TCERG1L: variants seen among roughly 807,000 people sequenced by gnomAD.
The protein encoded by TCERG1L is transcription elongation regulator 1-like protein.
In TCERG1L, 37 loss-of-function variants were observed where a neutral mutation model predicts 56.3. That is an observed-to-expected ratio of 0.66 (90% confidence interval 0.51 to 0.87). The LOEUF is 0.87. Ranked by LOEUF, TCERG1L falls within the 40% of genes least tolerant of loss-of-function variation. The pLI is 0.00. For synonymous variants in TCERG1L, 324 were observed against 326.3 expected (o/e 0.99, Z 0.08); for missense variants, 799 against 774.2 (o/e 1.03, Z -0.38).
intron 7 of TCERG1L, among the ~76,000 whole-genome samples, chr10:131,137,951 T>C (rs1347779586): frequency 1.3e-5 from 2 of 152,116 alleles, no homozygotes; most frequent in Non-Finnish European, 1.5e-5. Context: ...ATCAGACACT[T>C]ACAACAGCTA....
At chr10:131,294,089 G>C (rs1320329143) in intron 3 of TCERG1L, among the ~76,000 whole-genome samples, 2 of 151,944 alleles carry the variant, frequency 1.3e-5, no homozygotes, top group African/African-American at 4.8e-5. Flanking sequence ...TTCAACAATA[G>C]TAAATCATAG....
At chr10:131,116,064 C>T (rs975750848) in intron 9 of TCERG1L, among the ~76,000 whole-genome samples, 9 of 152,210 alleles carry the variant, frequency 5.9e-5, no homozygotes, top group Middle Eastern at 3.4e-3. Flanking sequence ...CCACCACTGC[C>T]GCCTGCAGTC....
chr10:131,217,594 T>C (rs2918154), intron 4 of TCERG1L, among the ~76,000 whole-genome samples: 44,585 of 151,546 alleles, frequency 0.29, 7,195 homozygotes, highest in East Asian at 0.44. Flanking sequence ...CCAACAGCAG[T>C]CACTGTGTGC....
At chr10:131,169,506 C>T (rs1027863350) in intron 4 of TCERG1L, among the ~76,000 whole-genome samples, 4 of 152,176 alleles carry the variant, frequency 2.6e-5, no homozygotes, top group African/African-American at 7.2e-5. Flanking sequence ...ACATATTTCA[C>T]GACTGCTCTG....
chr10:131,256,929 A>G (rs911397014), intron 4 of TCERG1L, among the ~76,000 whole-genome samples: 1 of 144,072 alleles, frequency 6.9e-6, no homozygotes, highest in Non-Finnish European at 1.5e-5. Context: ...GAAGGGAAGG[A>G]AGGGAGGGAG....
At chr10:131,117,071 C>A (rs1464189091) in intron 8 of TCERG1L, 137 bp from the exon 9 acceptor site, 36 of 1,181,280 alleles carry the variant, frequency 3.0e-5, no homozygotes, top group Non-Finnish European at 4.2e-5. Flanking sequence ...AAGCCTGAGG[C>A]GGTCTCCCTC....
At chr10:131,163,429 C>A (rs1269663268) in intron 5 of TCERG1L, among the ~76,000 whole-genome samples, 1 of 152,084 alleles carries the variant, frequency 6.6e-6, no homozygotes, top group East Asian at 1.9e-4. Flanking sequence ...ACAAAGGCAC[C>A]CCTCATTGTC....
chr10:131,223,353 C>T lies in TCERG1L; in HGVS notation c.856+36906G>A, dbSNP rs1845756173. On this transcript the variant is annotated intron_variant, in intron 4 of 11. Coordinates refer to ENST00000368642, the MANE Select transcript of TCERG1L (RefSeq NM_174937.4). ...GGACCGCATGCTCCGCTGCCTGTTA[C>T]CTCCAAGTGGGTTTCCATCCCAAGG... Among the ~76,000 whole-genome samples the T allele has an allele frequency of 2.0e-5, 3 of 152,206 alleles. No individual in the cohort carries two copies. The South Asian group carries it at 6.2e-4, about 32-fold the overall frequency.
intron 4 of TCERG1L, among the ~76,000 whole-genome samples, chr10:131,235,360 G>GA (rs1845902510): frequency 6.6e-6 from 1 of 152,202 alleles, no homozygotes; most frequent in African/African-American, 2.4e-5. Context: ...GGTGAGCAAG[G>GA]AAAGTCCGAG....
rs191901622 is a variant in TCERG1L at position 131,105,711 on chromosome 10, G to A, written c.1396-1357C>T. On this transcript the variant is annotated intron_variant, in intron 9 of 11. Transcript: ENST00000368642. ...GTCATGAGTGACTGGGAAATGTTCC[G>A]GAGGGGGGTGGGAATACTCGTTCAT... 3.7e-3 allele frequency among the ~76,000 whole-genome samples: 569 copies of A among 151,952 alleles called. 1 individual carries two copies. Among genetic ancestry groups the A allele is most frequent in the Non-Finnish European group, 6.0e-3 (405 of 67,974 alleles).
intron 4 of TCERG1L, among the ~76,000 whole-genome samples, chr10:131,237,726 C>T (rs1266777201): frequency 3.3e-5 from 5 of 152,154 alleles, no homozygotes; most frequent in African/African-American, 7.2e-5. Flanking sequence ...GTCCAGGCAT[C>T]GGCGGGGTGG....
chr10:131,212,908 G>A (rs181891403), intron 4 of TCERG1L, among the ~76,000 whole-genome samples: 17 of 152,352 alleles, frequency 1.1e-4, no homozygotes, highest in African/African-American at 3.8e-4. Flanking sequence ...GGCTAGCACC[G>A]CTGGAGTGCT....
intron 7 of TCERG1L, among the ~76,000 whole-genome samples, chr10:131,136,266 AC>A (rs543246996): frequency 1.3e-5 from 2 of 152,184 alleles, no homozygotes; most frequent in South Asian, 4.1e-4. Flanking sequence ...CCAGGCTGGG[AC>A]CCCAAAGGAC....
chr10:131,304,007 T>C (rs980298872), intron 3 of TCERG1L, among the ~76,000 whole-genome samples: 1 of 152,074 alleles, frequency 6.6e-6, no homozygotes, highest in African/African-American at 2.4e-5. Flanking sequence ...ATACTCCAGA[T>C]GCCCTCATCT....
chr10:131,220,195 C>A (rs1383241174), intron 4 of TCERG1L, among the ~76,000 whole-genome samples: 2 of 152,204 alleles, frequency 1.3e-5, no homozygotes, highest in African/African-American at 4.8e-5. Flanking sequence ...CCCCCAACAT[C>A]CCCTGGCTCT....
intron 4 of TCERG1L, among the ~76,000 whole-genome samples, chr10:131,256,996 A>AAGGAAGGAAGGAAGGAAAGAAG (rs1564827190): frequency 2.1e-5 from 1 of 47,998 alleles, no homozygotes; most frequent in Non-Finnish European, 4.1e-5. Context: ...AAGGAAGGAA[A>AAGGAAGGAAGGAAGGAAAGAAG]GAAAGAAAGA....
intron 6 of TCERG1L, among the ~76,000 whole-genome samples, chr10:131,157,291 T>A (rs943713758): frequency 6.6e-6 from 1 of 152,212 alleles, no homozygotes; most frequent in Admixed American, 6.5e-5. Flanking sequence ...ACTGTAGCAA[T>A]CTGAATTTGT....
chr10:131,182,221 A>G (rs1456018864), intron 4 of TCERG1L, among the ~76,000 whole-genome samples: 2 of 152,188 alleles, frequency 1.3e-5, no homozygotes, highest in African/African-American at 4.8e-5. Context: ...GGCATGGGAA[A>G]CAGACCTGAA....
rs1215388272 is a variant in TCERG1L, at chr10:131,118,585, C to A, written c.1260-1651G>T. On this transcript the variant is annotated intron_variant, in intron 8 of 11. Coordinates refer to ENST00000368642, the MANE Select transcript of TCERG1L (RefSeq NM_174937.4). This position sits in a 1 kb window ranked among gnomAD's most constrained non-coding sequence, Gnocchi z 4.2. ...ACCAGATTTCTCATCCTCTGCCATG[C>A]CCCAGATCTGACTCAGCAAGAATCT... Among the ~76,000 whole-genome samples, 2 of 152,100 alleles carry A rather than the reference C, an allele frequency of 1.3e-5. No homozygotes were observed. The highest frequency in any genetic ancestry group is 4.8e-5 in the African/African-American group (2 of 41,418).
Sources: allele counts gnomAD v4.1 joint callset (sites outside exome capture counted in the v4.1 genomes callset), GRCh38; gene constraint gnomAD v4.1.1; non-coding constraint Gnocchi (gnomAD v3.1); transcripts MANE v1.5; gene names NCBI Gene and HGNC (gene_info 2026-07-23, HGNC 2026-07-21).